Variants in ULK4 observed in about 807,000 individuals in gnomAD.
ULK4 encodes the protein inactive serine/threonine-protein kinase ULK4.
ULK4 carries 133 observed loss-of-function variants against 160.6 expected under a neutral mutation model. The ratio of observed to expected loss-of-function variants is 0.83; its 90% CI spans 0.72 to 0.96. ULK4 has a LOEUF of 0.96. ULK4 is among the 40% of genes least tolerant of loss of function. ULK4 has a pLI of 0.00. For missense variants in ULK4, 1,580 were observed against 1,499.5 expected, an observed-to-expected ratio of 1.05 and a Z score of -0.89; for synonymous variants, 534 against 539.8, an observed-to-expected ratio of 0.99 and a Z score of 0.15.
At chr3:41,678,649 T>C (rs1038694708) in intron 29 of ULK4, among the ~76,000 whole-genome samples, 1 of 152,216 alleles carries the variant, frequency 6.6e-6, no homozygotes, top group Non-Finnish European at 1.5e-5. Context: ...TTAATTTGAA[T>C]TGGGTGCTAT....
intron 17 of ULK4, among the ~76,000 whole-genome samples, chr3:41,837,714 C>A (rs574182470): frequency 2.0e-5 from 3 of 152,140 alleles, no homozygotes; most frequent in South Asian, 2.1e-4. Flanking sequence ...GTACACACCA[C>A]CATGGCCAGC....
chr3:41,736,026 A>AT (rs1371556088), intron 22 of ULK4, among the ~76,000 whole-genome samples: 2 of 151,346 alleles, frequency 1.3e-5, no homozygotes, highest in East Asian at 3.9e-4. Flanking sequence ...TGAACTCATC[A>AT]TTTTTTATGG....
chr3:41,896,129 T>A (rs1392789857), intron 15 of ULK4, among the ~76,000 whole-genome samples: 1 of 152,044 alleles, frequency 6.6e-6, no homozygotes, highest in East Asian at 1.9e-4. Flanking sequence ...CAATGTCACA[T>A]CAGAAACCCT....
chr3:41,266,532 C>T (rs190451045), intron 35 of ULK4, among the ~76,000 whole-genome samples: 2 of 152,258 alleles, frequency 1.3e-5, no homozygotes, highest in Admixed American at 1.3e-4. Context: ...TTCTCACGCA[C>T]AGGCTGTTTG....
intron 5 of ULK4, among the ~76,000 whole-genome samples, chr3:41,923,076 G>A (rs990229002): frequency 6.6e-6 from 1 of 151,780 alleles, no homozygotes; most frequent in African/African-American, 2.4e-5. Flanking sequence ...CGGGAGGCAG[G>A]AGAATTGTTT....
chr3:41,520,067 A>G (rs1222616471), intron 32 of ULK4, among the ~76,000 whole-genome samples: 1 of 152,194 alleles, frequency 6.6e-6, no homozygotes, highest in Non-Finnish European at 1.5e-5. Flanking sequence ...ACATACCATA[A>G]AAATGTACCA....
chr3:41,378,841 G>T (rs902362683), intron 35 of ULK4, among the ~76,000 whole-genome samples: 4 of 150,172 alleles, frequency 2.7e-5, no homozygotes, highest in African/African-American at 9.8e-5. Context: ...AAAAGAAAAT[G>T]TGGCACATTT....
chr3:41,731,061 C>T (rs1362321139), intron 22 of ULK4, among the ~76,000 whole-genome samples: 1 of 151,918 alleles, frequency 6.6e-6, no homozygotes, highest in African/African-American at 2.4e-5. Context: ...ATATGACAAA[C>T]CCATGGCTAA....
intron 31 of ULK4, among the ~76,000 whole-genome samples, chr3:41,605,865 G>C (rs1332499494): frequency 6.6e-6 from 1 of 151,898 alleles, no homozygotes; most frequent in Non-Finnish European, 1.5e-5. Context: ...CATAAAACAA[G>C]TCTGAAGAAA....
intron 34 of ULK4, among the ~76,000 whole-genome samples, chr3:41,407,212 GAAC>G (rs920753207): frequency 2.0e-5 from 3 of 151,980 alleles, no homozygotes; most frequent in Middle Eastern, 3.4e-3. Context: ...TCCTACAAAA[GAAC>G]AACAACAACA....
chr3:41,525,253 G>A (rs2086073359), intron 32 of ULK4, among the ~76,000 whole-genome samples: 1 of 152,172 alleles, frequency 6.6e-6, no homozygotes, highest in African/African-American at 2.4e-5. Flanking sequence ...GTGAGAAAGG[G>A]AAGCAGGACA....
intron 35 of ULK4, among the ~76,000 whole-genome samples, chr3:41,298,340 A>T (rs1024099888): frequency 4.6e-5 from 7 of 152,204 alleles, no homozygotes; most frequent in African/African-American, 1.7e-4. Flanking sequence ...TTTAAAGATA[A>T]AGAGTTTAGG....
At chr3:41,905,280 C>T (rs1440621898) in intron 12 of ULK4, among the ~76,000 whole-genome samples, 5 of 78,946 alleles carry the variant, frequency 6.3e-5, no homozygotes, top group African/African-American at 2.0e-4. Flanking sequence ...TGTTTCGATG[C>T]AAAACAATGA....
intron 22 of ULK4, among the ~76,000 whole-genome samples, chr3:41,735,770 C>A (rs1036284354): frequency 6.6e-6 from 1 of 150,508 alleles, no homozygotes; most frequent in African/African-American, 2.5e-5. Context: ...CATATGTATA[C>A]ATATGTCATG....
intron 34 of ULK4, among the ~76,000 whole-genome samples, chr3:41,441,165 G>A (rs1318390394): frequency 6.6e-6 from 1 of 151,838 alleles, no homozygotes. Context: ...ATCTTTATTA[G>A]TCCCTTTCTT....
At chr3:41,822,913 C>A (rs111465678) in intron 18 of ULK4, among the ~76,000 whole-genome samples, 38,348 of 150,918 alleles carry the variant, frequency 0.25, 6,031 homozygotes, top group African/African-American at 0.45. Context: ...TAGAAGAGAC[C>A]GGTTTTCACC....
intron 35 of ULK4, among the ~76,000 whole-genome samples, chr3:41,381,245 C>T (rs781089850): frequency 6.6e-6 from 1 of 152,172 alleles, no homozygotes; most frequent in African/African-American, 2.4e-5. Flanking sequence ...GTGATCTTGT[C>T]GTCCTCCACA....
intron 17 of ULK4, among the ~76,000 whole-genome samples, chr3:41,873,425 C>T (rs2625666): frequency 0.072 from 10,915 of 152,156 alleles, 1,234 homozygotes; most frequent in African/African-American, 0.24. Context: ...ATTACTATTT[C>T]AGGATTTTAG....
At position 41,249,452 on chromosome 3, in the gene ULK4, C is replaced by A. The variant is rs758512429; in HGVS notation, c.3764+37G>T. 5 of 1,589,056 alleles carry A rather than the reference C, an allele frequency of 3.1e-6. No individual in the cohort carries two copies. The South Asian group carries it at 5.7e-5, about 18-fold the overall frequency. ...GGAATGGCTGAGAGTGTGTGCTGAT[C>A]TAGAGCAGACTGCTGATCCTCCTGG... On this transcript the variant is annotated intron_variant, in intron 36 of 36. Coordinates refer to ENST00000301831, the MANE Select transcript of ULK4 (RefSeq NM_017886.4).
Sources: allele counts gnomAD v4.1 joint callset (sites outside exome capture counted in the v4.1 genomes callset), GRCh38; gene constraint gnomAD v4.1.1; transcripts MANE v1.5; gene names NCBI Gene and HGNC (gene_info 2026-07-23, HGNC 2026-07-21).